The following JAKMIP3 variants were observed in gnomAD, a reference collection of about 807,000 sequenced individuals.
JAKMIP3 encodes the protein janus kinase and microtubule-interacting protein 3.
In JAKMIP3, 58 loss-of-function variants were observed where a neutral mutation model predicts 118.5. The ratio of observed to expected loss-of-function variants is 0.49; its 90% CI spans 0.40 to 0.61. The LOEUF is 0.61. JAKMIP3 is among the 20% of genes least tolerant of loss of function. The probability of loss-of-function intolerance (pLI) is 0.00; values close to 1 mark genes in which losing one functional copy is unlikely to be tolerated. For synonymous variants in JAKMIP3, 486 were observed against 451.2 expected, an observed-to-expected ratio of 1.08 and a Z score of -0.98; for missense variants, 950 against 1,109.0, an observed-to-expected ratio of 0.86 and a Z score of 2.04.
At position 132,135,148 on chromosome 10, in the gene JAKMIP3, G is replaced by C. The variant is rs201097707; in HGVS notation, c.957G>C (p.Glu319Asp). The C allele has an allele frequency of 6.2e-7, 1 of 1,609,142 alleles. No individual in the cohort carries two copies. The highest frequency in any genetic ancestry group is 1.7e-5 in the Admixed American group (1 of 59,998). The change falls in exon 5 of 24, where the codon GAG (glutamate) becomes GAC (aspartate). Residue 319 changes from glutamate (E) to aspartate (D), a missense_variant. By Grantham distance (45) the Glu-to-Asp change is conservative. Coordinates refer to ENST00000684848, the MANE Select transcript of JAKMIP3 (RefSeq NM_001323087.2). ...ACCGCAATGCATTGCTGTCGGAAGA[G>C]AGGAATGAGCTGGTGAGCGCGGGCG... ...LEDRNALLSEERNELLKRVRE... is the reference protein window; with the variant it reads ...LEDRNALLSEDRNELLKRVRE...
At chr10:132,167,889 T>G in intron 22 of JAKMIP3, 64 bp from the exon 23 acceptor site, 3 of 1,183,690 alleles carry the variant, frequency 2.5e-6, no homozygotes, top group Non-Finnish European at 3.3e-6. Flanking sequence ...CCCTCGGCCC[T>G]CGCCCCTCAC....
Position 132,184,009 on chromosome 10 carries a change from C to T in JAKMIP3, c.*2756C>T, listed in dbSNP as rs564009915. ...GGGAAGTCTGTATGAATGCATCACC[C>T]CCTAATAAGGCAAGAGGAAGGACCC... is the stretch of plus-strand genomic sequence containing the variant. On this transcript the variant is annotated 3_prime_UTR_variant, in exon 24 of 24. Transcript: ENST00000684848. 1.3e-5 allele frequency: 2 copies of T among 152,284 alleles called. No individual in the cohort carries two copies. Among genetic ancestry groups the T allele is most frequent in the African/African-American group, 4.8e-5 (2 of 41,558 alleles). 9.4% of individuals were successfully genotyped at this position (152,284 alleles called of 1,614,324 possible).
At chr10:132,159,693 A>AGG (rs2057730850) in intron 19 of JAKMIP3, among the ~76,000 whole-genome samples, 1 of 37,254 alleles carries the variant, frequency 2.7e-5, no homozygotes, top group Non-Finnish European at 4.7e-5. Flanking sequence ...TGTGATGCTC[A>AGG]GGGGGCCTCT....
At chr10:132,153,177 T>G (rs2056534164) in intron 17 of JAKMIP3, among the ~76,000 whole-genome samples, 154 bp downstream of exon 17, 1 of 152,080 alleles carries the variant, frequency 6.6e-6, no homozygotes, top group Non-Finnish European at 1.5e-5. Context: ...TCTGACACAC[T>G]CAGGTCAGAC....
intron 9 of JAKMIP3, among the ~76,000 whole-genome samples, chr10:132,138,437 G>A (rs1482508186): frequency 2.0e-5 from 3 of 150,844 alleles, no homozygotes; most frequent in Admixed American, 6.6e-5. Context: ...TGTGGAGGGC[G>A]CTGGGTGTGT....
chr10:132,057,559 T>C (rs924371965), intron 1 of JAKMIP3, among the ~76,000 whole-genome samples: 1 of 152,140 alleles, frequency 6.6e-6, no homozygotes, highest in African/African-American at 2.4e-5. Context: ...ACAGAGTGCA[T>C]TTAGGAGGGC....
intron 23 of JAKMIP3, among the ~76,000 whole-genome samples, chr10:132,180,843 A>ATGTGTGTGC (rs2061342171): frequency 1.3e-5 from 2 of 148,952 alleles, no homozygotes; most frequent in African/African-American, 2.5e-5. Context: ...TATCGTGTGC[A>ATGTGTGTGC]TGTGTGTGCT....
intron 19 of JAKMIP3, among the ~76,000 whole-genome samples, chr10:132,156,502 C>T (rs557540837): frequency 1.7e-4 from 26 of 152,322 alleles, no homozygotes; most frequent in Admixed American, 1.1e-3. Flanking sequence ...CCCCACCCAG[C>T]CTTCGCTGCT....
intron 1 of JAKMIP3, among the ~76,000 whole-genome samples, chr10:132,094,770 C>T (rs551054173): frequency 2.6e-5 from 4 of 151,966 alleles, no homozygotes; most frequent in South Asian, 2.1e-4. Context: ...GAGAGGAACC[C>T]GCGGTGAGTG....
rs796494333 is a variant in JAKMIP3 at position 132,094,542 on chromosome 10, C to T, written c.-137-10130C>T. Among the ~76,000 whole-genome samples, 19 of 152,216 alleles carry T rather than the reference C, an allele frequency of 1.2e-4. 1 individual carries two copies. Among genetic ancestry groups the T allele is most frequent in the African/African-American group, 4.3e-4 (18 of 41,536 alleles). The stretch of plus-strand genomic sequence containing the variant: ...TTGTTATCTCTCTTCTGGGTCCAGC[C>T]ACCCAGCAAGTCTACCAGGCTCTGG... On this transcript the variant is annotated intron_variant, in intron 1 of 23. Coordinates refer to ENST00000684848, the MANE Select transcript of JAKMIP3 (RefSeq NM_001323087.2).
rs538554253 is a variant in JAKMIP3 at position 132,100,800 on chromosome 10, G to A, written c.-137-3872G>A. Reference sequence around the variant, plus strand: ...CTTTCTCTCGGCATGAGGAACCCCGGCCGCGCTCCCCATTCTCTCTGCATG... The same window carrying A: ...CTTTCTCTCGGCATGAGGAACCCCGACCGCGCTCCCCATTCTCTCTGCATG... On this transcript the variant is annotated intron_variant, in intron 1 of 23. Transcript: ENST00000684848. 9.2e-4 allele frequency among the ~76,000 whole-genome samples: 116 copies of A among 125,592 alleles called. 2 individuals carry two copies. The highest frequency in any genetic ancestry group is 8.9e-3 in the Admixed American group (113 of 12,748). 82.4% of individuals were successfully genotyped at this position (125,592 alleles called of 152,430 possible). A position where few individuals can be genotyped will look rare whatever the true frequency, so the allele number is the denominator to read the frequency against.
chr10:132,160,525 G>T (rs866907065), intron 19 of JAKMIP3, among the ~76,000 whole-genome samples: 929 of 13,660 alleles, frequency 0.068, 5 homozygotes, highest in Admixed American at 0.098. Context: ...TGATGCTGGG[G>T]GGGCCTCTCC....
intron 2 of JAKMIP3, among the ~76,000 whole-genome samples, chr10:132,107,729 C>G (rs2046134040): frequency 6.6e-6 from 1 of 152,210 alleles, no homozygotes; most frequent in Non-Finnish European, 1.5e-5. Context: ...GTGCAGCTGG[C>G]ACAAGCTCGT....
chr10:132,082,697 G>T (rs534319535), intron 1 of JAKMIP3, among the ~76,000 whole-genome samples: 1 of 151,494 alleles, frequency 6.6e-6, no homozygotes, highest in Non-Finnish European at 1.5e-5. Context: ...TGCAACCTCC[G>T]CCTCCCAGGT....
chr10:132,118,694 G>A lies in JAKMIP3; in HGVS notation c.633+1120G>A, dbSNP rs558809111. On this transcript the variant is annotated intron_variant, in intron 3 of 23. Transcript: ENST00000684848. The surrounding 1 kb of genome is among the most constrained non-coding windows in gnomAD (Gnocchi z 4.8). Reference sequence around the variant, plus strand: ...GGGTGCCCCCAAACGTGCCTAACCCGGGTGATTCCCTTCCTTTCCAAAGTG... The same window carrying A: ...GGGTGCCCCCAAACGTGCCTAACCCAGGTGATTCCCTTCCTTTCCAAAGTG... Among the ~76,000 whole-genome samples the A allele has an allele frequency of 3.7e-4, 57 of 152,316 alleles. 3 individuals are homozygous for A. The South Asian group carries it at 9.7e-3, about 26-fold the overall frequency.
chr10:132,061,220 CACACATACACCTGCCGTGACG>C (rs1366761017), upstream of JAKMIP3, among the ~76,000 whole-genome samples: 2,010 of 37,190 alleles, frequency 0.054, 100 homozygotes, highest in Admixed American at 0.31. Flanking sequence ...CGTGACGGCG[CACACATACACCTGCCGTGACG>C]GCGCACACAC....
intron 23 of JAKMIP3, among the ~76,000 whole-genome samples, chr10:132,177,393 G>A (rs2818424): frequency 0.073 from 11,132 of 152,334 alleles, 500 homozygotes; most frequent in Middle Eastern, 0.13. Flanking sequence ...AGTGTGTGGG[G>A]GGAGTGTGCC....
upstream of JAKMIP3, among the ~76,000 whole-genome samples, chr10:132,064,514 G>A (rs1403582289): frequency 1.3e-5 from 2 of 152,200 alleles, no homozygotes; most frequent in African/African-American, 4.8e-5. This position sits in a 1 kb window ranked among gnomAD's most constrained non-coding sequence, Gnocchi z 4.4. Context: ...CACCGTTCCG[G>A]GTCTGAATCC....
chr10:132,138,540 A>G (rs1318686112), intron 9 of JAKMIP3, among the ~76,000 whole-genome samples: 1 of 152,240 alleles, frequency 6.6e-6, no homozygotes, highest in Non-Finnish European at 1.5e-5. Flanking sequence ...TTTGGAGATG[A>G]AAAAACAATT....
Sources: gnomAD v4.1 joint callset for allele counts (sites outside exome capture counted in the v4.1 genomes callset) on GRCh38, gnomAD v4.1.1 for gene constraint, Gnocchi (gnomAD v3.1) non-coding constraint, MANE v1.5 for transcripts, NCBI Gene and HGNC (gene_info 2026-07-23, HGNC 2026-07-21) for gene names.